Variants in PDILT observed in about 807,000 individuals in gnomAD.
The protein encoded by PDILT is protein disulfide-isomerase-like protein of the testis.
PDILT carries 43 observed loss-of-function variants against 53.7 expected under a neutral mutation model. The observed-to-expected ratio is 0.80, with a 90% confidence interval of 0.63 to 1.03. PDILT has a LOEUF of 1.03. PDILT is among the 50% of genes least tolerant of loss of function. The pLI, the probability that PDILT is intolerant of heterozygous loss-of-function variation, is 0.00. For missense variants in PDILT, 727 were observed against 712.3 expected (o/e 1.02, Z -0.24); for synonymous variants, 282 against 274.2 (o/e 1.03, Z -0.28).
chr16:20,374,651 A>G (rs945482830), intron 5 of PDILT, among the ~76,000 whole-genome samples, 171 bp downstream of exon 5: 2 of 152,200 alleles, frequency 1.3e-5, no homozygotes, highest in African/African-American at 4.8e-5. Flanking sequence ...TTAAGATGGT[A>G]AATGGCTGGA....
chr16:20,391,520 T>C (rs1407277076), intron 2 of PDILT, among the ~76,000 whole-genome samples: 1 of 152,150 alleles, frequency 6.6e-6, no homozygotes, highest in Admixed American at 6.5e-5. Flanking sequence ...TTGACCTCTC[T>C]CCACTAATGG....
At chr16:20,404,212 T>C (rs1966785388) in intron 1 of PDILT, among the ~76,000 whole-genome samples, 3 of 152,208 alleles carry the variant, frequency 2.0e-5, no homozygotes, top group African/African-American at 7.2e-5. Context: ...CATTGGTTCA[T>C]TTCAGTGGTT....
At chr16:20,360,320 G>A (rs1262665878) in intron 11 of PDILT, among the ~76,000 whole-genome samples, 1 of 152,078 alleles carries the variant, frequency 6.6e-6, no homozygotes, top group Non-Finnish European at 1.5e-5. Flanking sequence ...CCCAAGGCAA[G>A]GAGCTGTGTG....
intron 1 of PDILT, among the ~76,000 whole-genome samples, chr16:20,401,189 C>A (rs1181141705): frequency 6.6e-6 from 1 of 152,214 alleles, no homozygotes; most frequent in Non-Finnish European, 1.5e-5. Context: ...ACTGTCAGCC[C>A]AGCCTTGAGT....
chr16:20,383,829 C>T (rs752379719), intron 3 of PDILT, among the ~76,000 whole-genome samples: 2 of 152,206 alleles, frequency 1.3e-5, no homozygotes, highest in Non-Finnish European at 2.9e-5. Context: ...TTTATCCATC[C>T]TGCATCCATG....
chr16:20,402,747 A>G (rs2141627451), intron 1 of PDILT, among the ~76,000 whole-genome samples: 1 of 152,234 alleles, frequency 6.6e-6, no homozygotes, highest in East Asian at 1.9e-4. Context: ...TTTTCTCCCA[A>G]TCTCTCCCAC....
intron 8 of PDILT, among the ~76,000 whole-genome samples, chr16:20,369,263 A>G (rs1030174166): frequency 3.9e-5 from 6 of 152,244 alleles, no homozygotes; most frequent in Non-Finnish European, 5.9e-5. Flanking sequence ...TGCAAAGGAA[A>G]TGCCTCCACT....
intron 2 of PDILT, among the ~76,000 whole-genome samples, chr16:20,392,992 G>C (rs1966624479): frequency 6.6e-6 from 1 of 152,216 alleles, no homozygotes; most frequent in South Asian, 2.1e-4. Context: ...GGTGTGTTAT[G>C]TGTTTGTGTA....
At chr16:20,393,497 T>C (rs150545555) in intron 2 of PDILT, among the ~76,000 whole-genome samples, 5 of 152,316 alleles carry the variant, frequency 3.3e-5, no homozygotes, top group Non-Finnish European at 4.4e-5. Context: ...GTGGGAACTA[T>C]AAATGTTAAC....
chr16:20,384,322 T>A (rs1596591760), intron 3 of PDILT, among the ~76,000 whole-genome samples: 2 of 152,326 alleles, frequency 1.3e-5, no homozygotes, highest in Middle Eastern at 3.4e-3. Context: ...TGAACTGTAT[T>A]TCTCCGCCTT....
In PDILT at chr16:20,359,203, T is replaced by A. The variant is rs1966061222; in HGVS notation, c.*116A>T. 1,530 of 1,130,588 alleles carry A rather than the reference T, an allele frequency of 1.4e-3. No homozygotes were observed. The highest frequency in any genetic ancestry group is 1.6e-3 in the Middle Eastern group (6 of 3,806). 70.0% of individuals were successfully genotyped at this position (1,130,588 alleles called of 1,614,324 possible). ...ACTCAGAGGCTTTATTATCCACCCC[T>A]ACCCCCGCCCCACCTACCCTACCAC... On this transcript the variant is annotated 3_prime_UTR_variant, in exon 12 of 12. Coordinates refer to ENST00000302451, the MANE Select transcript of PDILT (RefSeq NM_174924.2).
chr16:20,395,006 A>G (rs1009185317), intron 2 of PDILT, among the ~76,000 whole-genome samples: 6 of 152,180 alleles, frequency 3.9e-5, no homozygotes, highest in African/African-American at 1.2e-4. Context: ...TCAAAATTAG[A>G]GCAAAGAAGA....
chr16:20,388,022 G>A (rs1328730910), intron 2 of PDILT, among the ~76,000 whole-genome samples: 4 of 152,156 alleles, frequency 2.6e-5, no homozygotes, highest in African/African-American at 9.7e-5. Flanking sequence ...TGGAGGGGCT[G>A]AGAAGTGATT....
chr16:20,377,547 C>T (rs532899104), intron 3 of PDILT, among the ~76,000 whole-genome samples: 2 of 152,276 alleles, frequency 1.3e-5, no homozygotes, highest in Admixed American at 1.3e-4. Context: ...CATCATTACA[C>T]CCAAAGGAAA....
intron 7 of PDILT, 48 bp from the exon 8 acceptor site, chr16:20,369,737 G>A: frequency 6.3e-7 from 1 of 1,586,410 alleles, no homozygotes; most frequent in Non-Finnish European, 8.6e-7. Context: ...TTTGCCAGTG[G>A]AGAAAAACTG....
chr16:20,397,421 G>T (rs773868782), intron 2 of PDILT, among the ~76,000 whole-genome samples: 2 of 152,122 alleles, frequency 1.3e-5, no homozygotes, highest in Non-Finnish European at 2.9e-5. Context: ...AGGGTTACAG[G>T]CATGAGCTAC....
At chr16:20,382,783 T>A (rs1966478406) in intron 3 of PDILT, among the ~76,000 whole-genome samples, 1 of 152,144 alleles carries the variant, frequency 6.6e-6, no homozygotes, top group African/African-American at 2.4e-5. Flanking sequence ...AAAACTGAGA[T>A]TCGACGAGCG....
Position 20,384,824 on chromosome 16 carries a change from T to A in PDILT, c.230A>T (p.Asn77Ile), listed in dbSNP as rs1297388321. 1 of 1,614,208 alleles carries A rather than the reference T, an allele frequency of 6.2e-7. No homozygotes were observed. Among genetic ancestry groups the A allele is most frequent in the Non-Finnish European group, 8.5e-7 (1 of 1,180,032 alleles). The change falls in exon 3 of 12, where the codon AAC becomes ATC. Residue 77 changes from asparagine to isoleucine, a missense_variant. By Grantham distance (149) the Asn-to-Ile change is moderately radical. Coordinates refer to ENST00000302451, the MANE Select transcript of PDILT (RefSeq NM_174924.2). ...FHNPSSKQSR[N>I]LAEELGKAVE... ...AGCTTTGCCCAGCTCTTCCGCCAAG[T>A]TCCTGGATTGCTTTGAGGATGGGTT...
At chr16:20,373,494 A>C (rs2141714589) in intron 5 of PDILT, among the ~76,000 whole-genome samples, 1 of 152,274 alleles carries the variant, frequency 6.6e-6, no homozygotes, top group Admixed American at 6.5e-5. Context: ...ATTAAGACAA[A>C]CCCAGTCCCA....
Sources: allele counts gnomAD v4.1 joint callset (sites outside exome capture counted in the v4.1 genomes callset), GRCh38; gene constraint gnomAD v4.1.1; transcripts MANE v1.5; gene names NCBI Gene and HGNC (gene_info 2026-07-23, HGNC 2026-07-21).